MYOF: variants seen among roughly 807,000 people sequenced by gnomAD.
MYOF encodes the protein fer-1-like 3, myoferlin.
Under a neutral mutation model 284.2 loss-of-function variants are expected in MYOF, and 244 were observed. The observed-to-expected ratio is 0.86, with a 90% CI of 0.77 to 0.95. The LOEUF (loss-of-function observed/expected upper bound fraction) is 0.95, where lower values mean the gene tolerates loss of function less well. MYOF is among the 40% of genes least tolerant of loss of function. The probability of loss-of-function intolerance (pLI) is 0.00; values close to 1 mark genes in which losing one functional copy is unlikely to be tolerated. For synonymous variants in MYOF, 904 were observed against 919.7 expected (o/e 0.98, Z 0.31); for missense variants, 2,496 against 2,560.6 (o/e 0.97, Z 0.54).
rs374022346 is a variant in MYOF, at chr10:93,452,420, C to T, written c.145-279G>A. Reference sequence around the variant, plus strand: ...GGTGACCACACCCCTGCTTCATACTCAAGAGCTGGACTCAACGACTACCAC... The same window carrying T: ...GGTGACCACACCCCTGCTTCATACTTAAGAGCTGGACTCAACGACTACCAC... On this transcript the variant is annotated intron_variant, in intron 2 of 53. Coordinates refer to ENST00000359263, the MANE Select transcript of MYOF (RefSeq NM_013451.4). Among the ~76,000 whole-genome samples the T allele has an allele frequency of 3.3e-5, 5 of 152,120 alleles. No homozygotes were observed. In the East Asian group the frequency reaches 7.7e-4, roughly 24 times the overall value.
rs760306736 is a variant in MYOF, at chr10:93,351,816, C to G, written c.3512G>C (p.Arg1171Pro). 6.3e-7 allele frequency: 1 copy of G among 1,586,386 alleles called. No individual in the cohort carries two copies. The highest frequency in any genetic ancestry group is 8.5e-7 in the Non-Finnish European group (1 of 1,173,626). Residue 1171 changes from arginine (R) to proline (P), a missense_variant, in exon 33 of 54, where the codon CGG becomes CCG. This residue lies in a region of MYOF where 2,436 missense variants were observed against 2,480.7 expected (regional missense o/e 0.98). Coordinates refer to ENST00000359263, the MANE Select transcript of MYOF (RefSeq NM_013451.4). ...DPYAHICFLH[R>P]SKTTEIIHST... ...ATGGATGATCTCAGTGGTTTTGCTC[C>G]GATGGAGGAAACAGATATGAGCATA...
chr10:93,409,606 C>G lies in MYOF; in HGVS notation c.567G>C (p.Arg189=). The G allele has an allele frequency of 1.2e-6, 2 of 1,614,152 alleles. No individual in the cohort carries two copies. The highest frequency in any genetic ancestry group is 1.7e-6 in the Non-Finnish European group (2 of 1,180,022). ...CCTGTGGCTTATTTGACAGCATCCG[C>G]CGGCTGTTCTTTACTTTGGTGAGCC... is the stretch of plus-strand genomic sequence containing the variant. ...ARRLTKVKNS[R]RMLSNKPQDF... The change falls in exon 6 of 54, where the codon CGG becomes CGC. Residue 189 remains arginine (R), a synonymous_variant. Coordinates refer to ENST00000359263, the MANE Select transcript of MYOF (RefSeq NM_013451.4).
chr10:93,393,409 G>A (rs549588231), intron 16 of MYOF, among the ~76,000 whole-genome samples: 10 of 152,226 alleles, frequency 6.6e-5, no homozygotes, highest in East Asian at 1.9e-4. Flanking sequence ...TTTCTTTGTC[G>A]GGGGGAGGGC....
chr10:93,338,516 T>C (rs1274583322), intron 39 of MYOF: 1 of 456,806 alleles, frequency 2.2e-6, no homozygotes, highest in Non-Finnish European at 4.4e-6. Context: ...ACATGCTGCC[T>C]TCATCTACCT....
At chr10:93,478,871 C>T (rs1028525693) in intron 1 of MYOF, among the ~76,000 whole-genome samples, 5 of 66,626 alleles carry the variant, frequency 7.5e-5, no homozygotes, top group Middle Eastern at 7.9e-3. Context: ...GGTTTGAACA[C>T]GAAAAACTGA....
intron 25 of MYOF, 98 bp downstream of exon 25, chr10:93,369,546 TG>T: frequency 6.6e-7 from 1 of 1,519,540 alleles, no homozygotes; most frequent in Non-Finnish European, 8.9e-7. Context: ...AGGAGGGCTG[TG>T]GTTGTTTTTG....
chr10:93,476,757 T>C (rs1414236703), intron 1 of MYOF, among the ~76,000 whole-genome samples: 1 of 152,170 alleles, frequency 6.6e-6, no homozygotes, highest in Non-Finnish European at 1.5e-5. Context: ...ACTACAAAGT[T>C]TGATATGCTA....
At chr10:93,399,079 C>T (rs1309794138) in intron 13 of MYOF, among the ~76,000 whole-genome samples, 1 of 152,074 alleles carries the variant, frequency 6.6e-6, no homozygotes, top group Non-Finnish European at 1.5e-5. Flanking sequence ...GTGTGGCTGG[C>T]CAGAGAGCTT....
At chr10:93,347,811 C>T (rs1172445056) in intron 36 of MYOF, 29 bp from the exon 37 acceptor site, 1 of 1,599,192 alleles carries the variant, frequency 6.3e-7, no homozygotes, top group Non-Finnish European at 8.5e-7. Flanking sequence ...GGTTTCATTT[C>T]TCAAGACCAG....
At chr10:93,464,649 C>T (rs1393845080) in intron 1 of MYOF, among the ~76,000 whole-genome samples, 1 of 152,122 alleles carries the variant, frequency 6.6e-6, no homozygotes, top group Admixed American at 6.5e-5. Flanking sequence ...CTGATGCATT[C>T]AGACGAGATA....
intron 44 of MYOF, 148 bp from the exon 45 acceptor site, chr10:93,329,059 A>G: frequency 1.4e-6 from 1 of 716,188 alleles, no homozygotes. Context: ...CTAGAAATCT[A>G]TTTCAGAGTC....
chr10:93,447,699 T>G (rs1211247588), intron 3 of MYOF, among the ~76,000 whole-genome samples: 2 of 152,100 alleles, frequency 1.3e-5, no homozygotes, highest in Admixed American at 1.3e-4. Flanking sequence ...TCTCAAAGTG[T>G]GACGTTTCTC....
Position 93,389,084 on chromosome 10 carries a change from G to A in MYOF, c.1527C>T (p.Ser509=). 6.2e-7 allele frequency: 1 copy of A among 1,614,142 alleles called. No individual in the cohort carries two copies. Among genetic ancestry groups the A allele is most frequent in the Non-Finnish European group, 8.5e-7 (1 of 1,180,002 alleles). The change falls in exon 18 of 54, where the codon AGC becomes AGT. Residue 509 remains serine (S), a synonymous_variant. Coordinates refer to ENST00000359263, the MANE Select transcript of MYOF (RefSeq NM_013451.4). ...CTGGGAATCCCGTGTACTCTCTGGG[G>A]CTTCCATAAAGATTCAGGTAACAAG... ...FGPCYLNLYG[S]PREYTGFPDP... is the part of the protein sequence containing the mutation.
chr10:93,447,571 C>T (rs77228940), intron 3 of MYOF, among the ~76,000 whole-genome samples: 2 of 17,132 alleles, frequency 1.2e-4, no homozygotes, highest in Non-Finnish European at 3.0e-4. Flanking sequence ...CAGCTAAACT[C>T]CCCCCTTCCC....
At chr10:93,433,340 G>T (rs1203801219) in intron 3 of MYOF, among the ~76,000 whole-genome samples, 1 of 152,102 alleles carries the variant, frequency 6.6e-6, no homozygotes, top group Admixed American at 6.6e-5. Flanking sequence ...TATTTTTTCA[G>T]TAGAGATGGG....
At position 93,323,352 on chromosome 10, in the gene MYOF, G is replaced by A. The variant is rs1842917682; in HGVS notation, c.5278C>T (p.Leu1760Phe). 1.2e-6 allele frequency: 2 copies of A among 1,610,530 alleles called. No homozygotes were observed. Among genetic ancestry groups the A allele is most frequent in the African/African-American group, 1.3e-5 (1 of 74,838 alleles). Residue 1760 changes from leucine (L) to phenylalanine (F), a missense_variant, in exon 47 of 54, where the codon CTT (leucine) becomes TTT (phenylalanine). Around this residue, in one of 3 missense-constraint regions of MYOF, gnomAD observed 2,436 missense variants for 2,480.7 expected, o/e 0.98. Coordinates refer to ENST00000359263, the MANE Select transcript of MYOF (RefSeq NM_013451.4). ...GGGAAAACATCCACCCACATCTGAA[G>A]TTTTCCCTAAACCATTTGAAAATGA... ...TFQPNISQGK[L>F]QMWVDVFPKS...
At chr10:93,435,404 C>T (rs1203549328) in intron 3 of MYOF, among the ~76,000 whole-genome samples, 1 of 152,182 alleles carries the variant, frequency 6.6e-6, no homozygotes, top group African/African-American at 2.4e-5. Context: ...CATTTGTGAT[C>T]ATCAAAAACT....
chr10:93,427,751 T>G (rs1848662775), intron 4 of MYOF, among the ~76,000 whole-genome samples: 1 of 152,046 alleles, frequency 6.6e-6, no homozygotes, highest in East Asian at 1.9e-4. Context: ...TAGCTTTCAC[T>G]ACCAACAGAA....
intron 25 of MYOF, among the ~76,000 whole-genome samples, chr10:93,367,692 A>T (rs1845388171): frequency 6.6e-6 from 1 of 151,986 alleles, no homozygotes; most frequent in Admixed American, 6.6e-5. Flanking sequence ...AGCAGTGGAG[A>T]TGGGAGCCTC....
Sources: allele counts gnomAD v4.1 joint callset (sites outside exome capture counted in the v4.1 genomes callset), GRCh38; gene constraint gnomAD v4.1.1; regional missense constraint gnomAD v4.1.1; transcripts MANE v1.5; gene names NCBI Gene and HGNC (gene_info 2026-07-23, HGNC 2026-07-21).